Variants in VDR observed in about 807,000 individuals in gnomAD.
VDR encodes vitamin D3 receptor.
In VDR, 19 loss-of-function variants were observed where a neutral mutation model predicts 39.7. The ratio of observed to expected loss-of-function variants is 0.48; its 90% CI spans 0.33 to 0.70. VDR has a LOEUF of 0.70. Ranked by LOEUF, VDR falls within the 30% of genes least tolerant of loss-of-function variation. VDR has a pLI of 0.02. For missense variants in VDR, 442 were observed against 570.5 expected (o/e 0.77, Z 2.29); for synonymous variants, 242 against 215.8 (o/e 1.12, Z -1.07).
Position 47,857,001 on chromosome 12 carries a change from C to T in VDR, c.583+128G>A, listed in dbSNP as rs376275035. ...GGGCTGTTGTGAAGACGCTGCATAG[C>T]GCACAGTATTTATGTAAGTTTCCAT... On this transcript the variant is annotated intron_variant, in intron 6 of 9. Coordinates refer to ENST00000549336, the MANE Select transcript of VDR (RefSeq NM_000376.3). 75 of 1,435,314 alleles carry T rather than the reference C, an allele frequency of 5.2e-5. 1 individual carries two copies. Among genetic ancestry groups the T allele is most frequent in the Admixed American group, 3.3e-4 (19 of 56,926 alleles). 88.9% of individuals were successfully genotyped at this position (1,435,314 alleles called of 1,614,324 possible).
At chr12:47,866,076 A>C (rs373995119) in intron 3 of VDR, among the ~76,000 whole-genome samples, 5 of 151,734 alleles carry the variant, frequency 3.3e-5, no homozygotes, top group East Asian at 2.0e-4. Flanking sequence ...TAAAAAATTA[A>C]ACAGGAAATA....
chr12:47,899,450 G>A (rs1018281212), intron 1 of VDR, among the ~76,000 whole-genome samples: 1 of 152,176 alleles, frequency 6.6e-6, no homozygotes, highest in Non-Finnish European at 1.5e-5. Flanking sequence ...TACAGGTAAG[G>A]ACACTGAGAT....
rs144756403 is a variant in VDR, at chr12:47,846,675, C to T, written c.889G>A (p.Val297Ile). ...TCGNQDYKYR[V>I]SDVTKAGHSL... ...GGCATACCTTTGGTCACGTCACTGA[C>T]GCGGTACTTGTAGTCTTGGTTGCCA... Residue 297 changes from valine to isoleucine, a missense_variant, in exon 8 of 10, where the codon GTC becomes ATC. Val to Ile is a conservative substitution (Grantham distance 29). Around this residue, in one of 5 missense-constraint regions of VDR, gnomAD observed 173 missense variants for 252.0 expected, o/e 0.69. Coordinates refer to ENST00000549336, the MANE Select transcript of VDR (RefSeq NM_000376.3). The T allele has an allele frequency of 1.4e-4, 231 of 1,613,906 alleles. No individual in the cohort carries two copies. The highest frequency in any genetic ancestry group is 3.4e-4 in the Middle Eastern group (2 of 5,822).
chr12:47,872,833 A>G (rs757994853), intron 3 of VDR, among the ~76,000 whole-genome samples: 3 of 152,234 alleles, frequency 2.0e-5, no homozygotes, highest in Non-Finnish European at 4.4e-5. Flanking sequence ...AGGGATAATG[A>G]TACTAGCTAT....
At position 47,860,584 on chromosome 12, in the gene VDR, C is replaced by T. The variant is rs183060399; in HGVS notation, c.278-2896G>A. Among the ~76,000 whole-genome samples the T allele has an allele frequency of 1.3e-3, 205 of 152,276 alleles. 1 individual carries two copies. Among genetic ancestry groups the T allele is most frequent in the Admixed American group, 0.012 (180 of 15,302 alleles). On this transcript the variant is annotated intron_variant, in intron 4 of 9. Transcript: ENST00000549336. ...CACTTTTAACGTCATATAACCTTTCCCTGATGATTCAGAGGTATCATTCTG... is the reference window on the plus strand; with the variant it reads ...CACTTTTAACGTCATATAACCTTTCTCTGATGATTCAGAGGTATCATTCTG...
chr12:47,877,610 C>A (rs915434751), intron 3 of VDR, among the ~76,000 whole-genome samples: 1 of 152,084 alleles, frequency 6.6e-6, no homozygotes, highest in Admixed American at 6.5e-5. Flanking sequence ...CTGAGGTGTG[C>A]GTTAGATTCC....
chr12:47,889,910 C>G (rs12721376), intron 1 of VDR, among the ~76,000 whole-genome samples: 3,644 of 152,312 alleles, frequency 0.024, 65 homozygotes, highest in Non-Finnish European at 0.036. Flanking sequence ...GTGCCTCCCT[C>G]CAGGCTAAGC....
intron 2 of VDR, 65 bp downstream of exon 2, chr12:47,882,629 C>CGGG: frequency 2.7e-6 from 1 of 373,218 alleles, no homozygotes; most frequent in Non-Finnish European, 4.9e-6. Context: ...TTATGCCCCT[C>CGGG]CCCCCCACCC....
rs574128565 is a variant in VDR at position 47,897,449 on chromosome 12, C to A, written c.-84+7506G>T. On this transcript the variant is annotated intron_variant, in intron 1 of 9. Coordinates refer to ENST00000549336, the MANE Select transcript of VDR (RefSeq NM_000376.3). ...CTGGGAGCCAAAGTGAGGCCCAGGGCAGAAGCACCTGCCTGCCCGGAGCTG... is the reference window on the plus strand; with the variant it reads ...CTGGGAGCCAAAGTGAGGCCCAGGGAAGAAGCACCTGCCTGCCCGGAGCTG... 1.6e-3 allele frequency among the ~76,000 whole-genome samples: 249 copies of A among 152,282 alleles called. 3 individuals are homozygous for A. Among genetic ancestry groups the A allele is most frequent in the African/African-American group, 5.8e-3 (240 of 41,544 alleles).
chr12:47,858,560 C>T (rs1945544898), intron 4 of VDR, among the ~76,000 whole-genome samples: 1 of 152,254 alleles, frequency 6.6e-6, no homozygotes, highest in South Asian at 2.1e-4. Flanking sequence ...CACCTGCAGG[C>T]TTCTGCCTGC....
chr12:47,880,045 C>T (rs1020618448), intron 2 of VDR, among the ~76,000 whole-genome samples: 6 of 152,086 alleles, frequency 3.9e-5, no homozygotes, highest in Admixed American at 6.5e-5. Flanking sequence ...TACTGTCAGG[C>T]TCAGAGATGA....
intron 7 of VDR, among the ~76,000 whole-genome samples, chr12:47,853,747 C>G (rs926686247): frequency 2.4e-4 from 36 of 152,080 alleles, no homozygotes; most frequent in African/African-American, 8.7e-4. Context: ...AAGAGGGAAA[C>G]TCTGTCTCAA....
At chr12:47,857,023 C>T in intron 6 of VDR, 106 bp downstream of exon 6, 1 of 1,557,338 alleles carries the variant, frequency 6.4e-7, no homozygotes, top group East Asian at 2.3e-5. Context: ...ATGTAAGTTT[C>T]CATTAGGGAG....
chr12:47,855,933 T>C (rs1592105732), intron 6 of VDR, 132 bp from the exon 7 acceptor site: 1 of 1,045,482 alleles, frequency 9.6e-7, no homozygotes, highest in Non-Finnish European at 1.5e-6. Context: ...ACTCCACAGG[T>C]CACCCTTCAG....
At chr12:47,875,834 A>G (rs1319788594) in intron 3 of VDR, among the ~76,000 whole-genome samples, 1 of 152,244 alleles carries the variant, frequency 6.6e-6, no homozygotes, top group Non-Finnish European at 1.5e-5. Context: ...TATCTTATTC[A>G]ATAGATATTG....
chr12:47,849,678 T>G (rs979874808), intron 7 of VDR, among the ~76,000 whole-genome samples: 3 of 152,208 alleles, frequency 2.0e-5, no homozygotes, highest in Admixed American at 6.5e-5. Context: ...AATCCACATT[T>G]AAAACACAAA....
At chr12:47,900,013 T>A (rs1050355435) in intron 1 of VDR, 1 of 937,364 alleles carries the variant, frequency 1.1e-6, no homozygotes, top group Non-Finnish European at 1.3e-6. Flanking sequence ...TAGCTCCCCA[T>A]TGGCCAATGG....
At chr12:47,846,062 T>C (rs1431523373) in intron 9 of VDR, among the ~76,000 whole-genome samples, 1 of 152,220 alleles carries the variant, frequency 6.6e-6, no homozygotes, top group African/African-American at 2.4e-5. Context: ...CGCAGGCCTG[T>C]CTGTGGCCCC....
chr12:47,880,149 AG>A (rs1391317861), intron 2 of VDR, among the ~76,000 whole-genome samples: 8 of 152,146 alleles, frequency 5.3e-5, no homozygotes, highest in African/African-American at 1.7e-4. Context: ...GGGTCATTAC[AG>A]GTTTCAGTGA....
Sources: allele counts gnomAD v4.1 joint callset (sites outside exome capture counted in the v4.1 genomes callset), GRCh38; gene constraint gnomAD v4.1.1; regional missense constraint gnomAD v4.1.1; transcripts MANE v1.5; gene names NCBI Gene and HGNC (gene_info 2026-07-23, HGNC 2026-07-21).